The following COL14A1 variants were observed in gnomAD, a reference collection of about 807,000 sequenced individuals.
The protein encoded by COL14A1 is collagen alpha-1(XIV) chain.
A neutral mutation model predicts 230.3 loss-of-function variants in COL14A1; 136 were observed. The observed-to-expected ratio is 0.59, with a 90% CI of 0.51 to 0.68. The LOEUF (loss-of-function observed/expected upper bound fraction) is 0.68, where lower values mean the gene tolerates loss of function less well. Among genes scored for constraint, COL14A1 ranks in the 30% least tolerant of loss-of-function variants. The probability of loss-of-function intolerance (pLI) is 0.00; values close to 1 mark genes in which losing one functional copy is unlikely to be tolerated. For missense variants in COL14A1, 1,976 were observed against 2,215.8 expected (o/e 0.89, Z 2.17); for synonymous variants, 792 against 784.1 (o/e 1.01, Z -0.17).
Position 120,315,975 on chromosome 8 carries a change from G to C in COL14A1, c.4637G>C (p.Arg1546Pro). 2 of 1,614,052 alleles carry C rather than the reference G, an allele frequency of 1.2e-6. No individual in the cohort carries two copies. Among genetic ancestry groups the C allele is most frequent in the African/African-American group, 1.3e-5 (1 of 75,058 alleles). Residue 1546 changes from arginine (R) to proline (P), a missense_variant, in exon 40 of 48, where the codon CGT (arginine) becomes CCT (proline). Physicochemically the swap from Arg to Pro is moderately radical, Grantham distance 103. Coordinates refer to ENST00000297848, the MANE Select transcript of COL14A1 (RefSeq NM_021110.4). ...CCAGGAGGCGTTGGTTCACCAGGAC[G>C]TGATGGCTCACCAGGCCAGAGGGTA... ...GIPGGVGSPGRDGSPGQRGLP... is the reference protein window; with the variant it reads ...GIPGGVGSPGPDGSPGQRGLP...
At chr8:120,210,526 A>G (rs1817587405) in intron 12 of COL14A1, among the ~76,000 whole-genome samples, 1 of 152,210 alleles carries the variant, frequency 6.6e-6, no homozygotes, top group Non-Finnish European at 1.5e-5. Flanking sequence ...AGGTAGATAA[A>G]CATACCTCAT....
chr8:120,173,382 A>G (rs937483171), intron 5 of COL14A1, among the ~76,000 whole-genome samples: 1 of 151,946 alleles, frequency 6.6e-6, no homozygotes, highest in Non-Finnish European at 1.5e-5. Context: ...GAGCGCTTGT[A>G]TTTTTTCTAC....
chr8:120,234,401 G>C (rs909055543), intron 19 of COL14A1, among the ~76,000 whole-genome samples: 2 of 152,182 alleles, frequency 1.3e-5, no homozygotes, highest in Non-Finnish European at 2.9e-5. Flanking sequence ...GATTTTCAAA[G>C]GGAATGCTTC....
intron 12 of COL14A1, among the ~76,000 whole-genome samples, chr8:120,211,247 C>G (rs1295409366): frequency 6.6e-6 from 1 of 151,934 alleles, no homozygotes; most frequent in African/African-American, 2.4e-5. Context: ...AACTAACAGG[C>G]CTGTTAATAG....
chr8:120,370,922 T>A, intron 47 of COL14A1: 1 of 1,178,624 alleles, frequency 8.5e-7, no homozygotes, highest in South Asian at 1.6e-5. Context: ...TTTAAATGGT[T>A]GGTTATGATT....
At chr8:120,266,674 C>G (rs558485941) in intron 24 of COL14A1, among the ~76,000 whole-genome samples, 153 bp from the exon 25 acceptor site, 239 of 152,108 alleles carry the variant, frequency 1.6e-3, no homozygotes, top group African/African-American at 5.5e-3. Context: ...TCAGTTTTCA[C>G]AGGCTGCGGC....
Position 120,371,338 on chromosome 8 carries a change from T to C in COL14A1, c.*107T>C. The C allele has an allele frequency of 1.6e-6, 1 of 635,512 alleles. No individual in the cohort carries two copies. The highest frequency in any genetic ancestry group is 2.7e-6 in the Non-Finnish European group (1 of 376,688). The allele number at this position is 635,512 out of a possible 1,614,324, so 39.4% of individuals were successfully genotyped here. A position where few individuals can be genotyped will look rare whatever the true frequency, so the allele number is the denominator to read the frequency against. On this transcript the variant is annotated 3_prime_UTR_variant, in exon 48 of 48. Transcript: ENST00000297848. ...TGCTACTTTTGGGGGGCAGGGCTCA[T>C]TTCAGCAGCCTAAATCTCCTCCTTG... is the stretch of plus-strand genomic sequence containing the variant.
chr8:120,178,695 A>C (rs957198892), intron 5 of COL14A1, among the ~76,000 whole-genome samples: 1 of 152,210 alleles, frequency 6.6e-6, no homozygotes, highest in Non-Finnish European at 1.5e-5. Flanking sequence ...TCCCACCCAC[A>C]GTGTAAAAGT....
chr8:120,273,261 A>G (rs1389573835), intron 26 of COL14A1, among the ~76,000 whole-genome samples: 2 of 151,840 alleles, frequency 1.3e-5, no homozygotes, highest in South Asian at 2.1e-4. Context: ...TACTTACACA[A>G]GTTGTCAAAA....
chr8:120,200,657 C>T (rs942294425), intron 8 of COL14A1, among the ~76,000 whole-genome samples: 13 of 144,398 alleles, frequency 9.0e-5, no homozygotes, highest in Non-Finnish European at 1.7e-4. Context: ...GGAATATCTC[C>T]TCTAGGTATA....
intron 19 of COL14A1, 126 bp downstream of exon 19, chr8:120,231,744 A>G (rs1379911460): frequency 9.8e-6 from 10 of 1,019,986 alleles, no homozygotes; most frequent in Non-Finnish European, 1.4e-5. Context: ...TCCAGAAACT[A>G]ATGTTCTCTG....
At chr8:120,271,955 A>G (rs950498087) in intron 26 of COL14A1, among the ~76,000 whole-genome samples, 1 of 151,558 alleles carries the variant, frequency 6.6e-6, no homozygotes, top group African/African-American at 2.4e-5. Context: ...AGATGCTCTC[A>G]TGGTCCAGCA....
At chr8:120,171,915 T>C (rs528971511) in intron 5 of COL14A1, among the ~76,000 whole-genome samples, 11 of 152,208 alleles carry the variant, frequency 7.2e-5, no homozygotes, top group Non-Finnish European at 1.5e-4. Flanking sequence ...GTTCCTTATA[T>C]CTGTCTTTTA....
chr8:120,266,414 G>A (rs1337703795), intron 24 of COL14A1, among the ~76,000 whole-genome samples: 1 of 152,046 alleles, frequency 6.6e-6, no homozygotes, highest in African/African-American at 2.4e-5. Context: ...GATGCAGGAT[G>A]GAAAGGGAAA....
At position 120,154,231 on chromosome 8, in the gene COL14A1, G is replaced by T. The variant is rs77699324; in HGVS notation, c.89-3899G>T. Among the ~76,000 whole-genome samples the T allele has an allele frequency of 8.5e-3, 1,293 of 152,184 alleles. 23 individuals carry two copies. The highest frequency in any genetic ancestry group is 0.03 in the African/African-American group (1,231 of 41,514). On this transcript the variant is annotated intron_variant, in intron 2 of 47. Coordinates refer to ENST00000297848, the MANE Select transcript of COL14A1 (RefSeq NM_021110.4). ...AGATGAGAAGAAAGGAAGGAAAGAA[G>T]GAGGGAAGAAAGGGACAGCCAAAAG...
chr8:120,197,358 G>C (rs1038509591), intron 6 of COL14A1, among the ~76,000 whole-genome samples: 2 of 151,874 alleles, frequency 1.3e-5, no homozygotes, highest in Non-Finnish European at 2.9e-5. Context: ...AAGCAAAAAA[G>C]TTGTAAATCT....
At chr8:120,293,656 C>G (rs976274236) in intron 34 of COL14A1, among the ~76,000 whole-genome samples, 6 of 151,774 alleles carry the variant, frequency 4.0e-5, no homozygotes, top group African/African-American at 1.4e-4. Flanking sequence ...CATTCCTGTG[C>G]TTCTTCCATT....
intron 31 of COL14A1, 110 bp downstream of exon 31, chr8:120,281,169 G>A (rs894770945): frequency 2.7e-5 from 26 of 975,998 alleles, no homozygotes; most frequent in Middle Eastern, 3.4e-4. Flanking sequence ...GATTTTCCAC[G>A]ACATTTAGAG....
chr8:120,348,201 AT>A (rs1162077287), intron 45 of COL14A1, among the ~76,000 whole-genome samples: 2 of 148,442 alleles, frequency 1.3e-5, no homozygotes, highest in Non-Finnish European at 3.0e-5. Context: ...TATAAAGCAT[AT>A]ATATATGTAT....
Sources: allele counts gnomAD v4.1 joint callset (sites outside exome capture counted in the v4.1 genomes callset), GRCh38; gene constraint gnomAD v4.1.1; transcripts MANE v1.5; gene names NCBI Gene and HGNC (gene_info 2026-07-23, HGNC 2026-07-21).